PTPRD: variants seen among roughly 807,000 people sequenced by gnomAD.
PTPRD encodes the protein protein tyrosine phosphatase receptor type D.
Under a neutral mutation model 214.5 loss-of-function variants are expected in PTPRD, and 34 were observed. That is an observed-to-expected ratio of 0.16 (90% confidence interval 0.12 to 0.21). The LOEUF (loss-of-function observed/expected upper bound fraction) is 0.21, where lower values mean the gene tolerates loss of function less well. Ranked by LOEUF, PTPRD falls within the 10% of genes least tolerant of loss-of-function variation. PTPRD has a pLI of 1.00. For missense variants in PTPRD, 2,545 were observed against 2,398.7 expected (o/e 1.06, Z -1.27); for synonymous variants, 1,128 against 845.7 (o/e 1.33, Z -5.79).
At chr9:9,710,057 A>G (rs1378514368) in intron 7 of PTPRD, among the ~76,000 whole-genome samples, 2 of 152,210 alleles carry the variant, frequency 1.3e-5, no homozygotes, top group East Asian at 1.9e-4. Flanking sequence ...TAAAAAAAAA[A>G]ATAGAATAGG....
intron 11 of PTPRD, among the ~76,000 whole-genome samples, chr9:8,843,470 C>T (rs2097609202): frequency 1.3e-5 from 2 of 152,098 alleles, no homozygotes; most frequent in Admixed American, 1.3e-4. Context: ...TAGACTAGGG[C>T]TGTCTAATAC....
chr9:8,359,699 T>C (rs1456236552), intron 39 of PTPRD, among the ~76,000 whole-genome samples: 6 of 152,086 alleles, frequency 3.9e-5, no homozygotes, highest in Non-Finnish European at 7.4e-5. Flanking sequence ...GAGCCACCCA[T>C]CAAGCCATTC....
intron 3 of PTPRD, among the ~76,000 whole-genome samples, chr9:10,040,533 T>C (rs1353558406): frequency 6.6e-6 from 1 of 152,024 alleles, no homozygotes; most frequent in Non-Finnish European, 1.5e-5. Flanking sequence ...TTAGTGATCC[T>C]CTCAACAGAC....
intron 9 of PTPRD, among the ~76,000 whole-genome samples, chr9:9,313,640 G>A (rs1040687978): frequency 1.3e-5 from 2 of 152,160 alleles, no homozygotes; most frequent in Non-Finnish European, 2.9e-5. Context: ...TGCCTATTAG[G>A]TATAGTAATT....
rs370542289 is a variant in PTPRD at position 10,321,017 on chromosome 9, G to A, written c.-545+19946C>T. On this transcript the variant is annotated intron_variant, in intron 3 of 45. Transcript: ENST00000381196. The stretch of plus-strand genomic sequence containing the variant: ...TGAGATTACAGATGTGAGCCACTAC[G>A]CCTAGCCCATTGATTCTTTCATGAA... Among the ~76,000 whole-genome samples, 10 of 152,068 alleles carry A rather than the reference G, an allele frequency of 6.6e-5. No individual in the cohort carries two copies. In the South Asian group the frequency reaches 1.9e-3, roughly 28 times the overall value.
At chr9:9,468,345 T>C (rs1187989485) in intron 8 of PTPRD, among the ~76,000 whole-genome samples, 1 of 152,140 alleles carries the variant, frequency 6.6e-6, no homozygotes, top group Non-Finnish European at 1.5e-5. Flanking sequence ...TACATACATT[T>C]CAAAAAATAA....
chr9:9,010,484 T>C (rs1183568966), intron 11 of PTPRD, among the ~76,000 whole-genome samples: 1 of 152,192 alleles, frequency 6.6e-6, no homozygotes, highest in East Asian at 1.9e-4. Context: ...TAATGGGAAA[T>C]ACCAGCAGAA....
chr9:10,110,176 T>C (rs950767210), intron 3 of PTPRD, among the ~76,000 whole-genome samples: 1 of 152,214 alleles, frequency 6.6e-6, no homozygotes, highest in Non-Finnish European at 1.5e-5. Flanking sequence ...AAAGCAATTC[T>C]TTCATCTAGA....
At chr9:9,881,635 G>C (rs771936502) in intron 5 of PTPRD, among the ~76,000 whole-genome samples, 1 of 152,134 alleles carries the variant, frequency 6.6e-6, no homozygotes, top group Non-Finnish European at 1.5e-5. Context: ...ATAGCAAAGA[G>C]CTGGAGGGAT....
At chr9:10,221,295 GCA>G (rs751763152) in intron 3 of PTPRD, among the ~76,000 whole-genome samples, 38 of 151,894 alleles carry the variant, frequency 2.5e-4, no homozygotes, top group Non-Finnish European at 4.7e-4. Context: ...ACGTGCGCGT[GCA>G]CACACACATA....
intron 5 of PTPRD, among the ~76,000 whole-genome samples, chr9:9,928,755 T>TACAC (rs545488105): frequency 2.4e-3 from 264 of 109,674 alleles, no homozygotes; most frequent in African/African-American, 8.3e-3. Flanking sequence ...TCTCTCTCTC[T>TACAC]ATACACACAC....
chr9:10,368,906 T>G (rs528714677), intron 2 of PTPRD, among the ~76,000 whole-genome samples: 2 of 152,098 alleles, frequency 1.3e-5, no homozygotes, highest in Non-Finnish European at 2.9e-5. Flanking sequence ...AAAGATGAAG[T>G]AGCCAGAGGA....
intron 7 of PTPRD, among the ~76,000 whole-genome samples, chr9:9,585,221 C>T (rs2091720802): frequency 6.6e-6 from 1 of 152,042 alleles, no homozygotes; most frequent in Non-Finnish European, 1.5e-5. Context: ...ATGTTTATCT[C>T]AGTAGCAGAC....
chr9:9,016,901 G>A (rs1367369416), intron 11 of PTPRD, among the ~76,000 whole-genome samples: 2 of 152,090 alleles, frequency 1.3e-5, no homozygotes, highest in East Asian at 3.9e-4. Context: ...GGAGCAGGAA[G>A]ATAAAGTGGC....
chr9:9,907,617 A>G (rs1223226760), intron 5 of PTPRD, among the ~76,000 whole-genome samples: 1 of 151,956 alleles, frequency 6.6e-6, no homozygotes, highest in Non-Finnish European at 1.5e-5. Flanking sequence ...TTAAAGCTCT[A>G]TCTCCGAATA....
intron 3 of PTPRD, among the ~76,000 whole-genome samples, chr9:10,125,423 T>A (rs1019274962): frequency 7.5e-6 from 1 of 133,542 alleles, no homozygotes; most frequent in Non-Finnish European, 1.6e-5. Context: ...TTTGTTTTAT[T>A]TTATTATTAT....
At chr9:8,689,916 T>A (rs992243835) in intron 12 of PTPRD, among the ~76,000 whole-genome samples, 3 of 152,030 alleles carry the variant, frequency 2.0e-5, no homozygotes, top group African/African-American at 7.2e-5. Context: ...AAGACCAGCC[T>A]AGCCAACATG....
intron 3 of PTPRD, among the ~76,000 whole-genome samples, chr9:10,202,505 T>C (rs891645099): frequency 6.6e-6 from 1 of 151,516 alleles, no homozygotes; most frequent in African/African-American, 2.4e-5. Flanking sequence ...TTGCATCTTT[T>C]TATTTAGCTG....
At chr9:9,503,570 G>A (rs1389563477) in intron 8 of PTPRD, among the ~76,000 whole-genome samples, 1 of 151,664 alleles carries the variant, frequency 6.6e-6, no homozygotes, top group East Asian at 1.9e-4. Context: ...ATGATCATAT[G>A]GTTTAGTCAA....
Sources: gnomAD v4.1 joint callset for allele counts (sites outside exome capture counted in the v4.1 genomes callset) on GRCh38, gnomAD v4.1.1 for gene constraint, MANE v1.5 for transcripts, NCBI Gene and HGNC (gene_info 2026-07-23, HGNC 2026-07-21) for gene names.